The following RALGPS2 variants were observed in gnomAD, a reference collection of about 807,000 sequenced individuals.
The protein encoded by RALGPS2 is ras-specific guanine nucleotide-releasing factor RalGPS2.
RALGPS2 carries 43 observed loss-of-function variants against 86.8 expected under a neutral mutation model. The observed-to-expected ratio is 0.50, with a 90% CI of 0.39 to 0.64. RALGPS2 has a LOEUF of 0.64. Among genes scored for constraint, RALGPS2 ranks in the 30% least tolerant of loss-of-function variants. The pLI, the probability that RALGPS2 is intolerant of heterozygous loss-of-function variation, is 0.00. For synonymous variants in RALGPS2, 243 were observed against 231.3 expected (o/e 1.05, Z -0.46); for missense variants, 536 against 694.6 (o/e 0.77, Z 2.57).
At chr1:178,804,318 G>A (rs1654631114) in intron 4 of RALGPS2, among the ~76,000 whole-genome samples, 1 of 138,788 alleles carries the variant, frequency 7.2e-6, no homozygotes, top group South Asian at 2.3e-4. Context: ...GGGTACATGT[G>A]CACATTGTGC....
intron 4 of RALGPS2, among the ~76,000 whole-genome samples, chr1:178,788,689 G>A (rs1360510875): frequency 3.9e-5 from 6 of 152,150 alleles, no homozygotes; most frequent in Non-Finnish European, 7.4e-5. Flanking sequence ...GGGCTAGATG[G>A]TGTGGGGCCA....
In RALGPS2 at chr1:178,898,154, A is replaced by C. The variant is rs533711362; in HGVS notation, c.1524+398A>C. On this transcript the variant is annotated intron_variant, in intron 17 of 19. Transcript: ENST00000367635. ...AATGATCAATTACAACAGTTACTGC[A>C]ATCACTTTCTTGTGCTTCATATTAC... Among the ~76,000 whole-genome samples the C allele has an allele frequency of 1.3e-3, 192 of 152,176 alleles. 2 individuals carry two copies. The highest frequency in any genetic ancestry group is 4.2e-3 in the African/African-American group (176 of 41,554).
chr1:178,855,919 C>T (rs955511803), intron 8 of RALGPS2, among the ~76,000 whole-genome samples: 6 of 148,476 alleles, frequency 4.0e-5, no homozygotes, highest in Non-Finnish European at 7.4e-5. Flanking sequence ...TGTTAATACA[C>T]GAATTACATT....
chr1:178,736,077 T>C (rs1650684066), intron 1 of RALGPS2, among the ~76,000 whole-genome samples: 1 of 152,162 alleles, frequency 6.6e-6, no homozygotes, highest in African/African-American at 2.4e-5. Context: ...TGTTTCTCTA[T>C]GCCCTTAATC....
chr1:178,811,726 GA>G (rs1177986339), intron 6 of RALGPS2, among the ~76,000 whole-genome samples: 1 of 152,208 alleles, frequency 6.6e-6, no homozygotes, highest in Admixed American at 6.5e-5. Context: ...TGCAGGTGAT[GA>G]AGAAAGCCAT....
chr1:178,900,609 A>G (rs1660131625), intron 17 of RALGPS2, among the ~76,000 whole-genome samples: 1 of 152,022 alleles, frequency 6.6e-6, no homozygotes, highest in South Asian at 2.1e-4. Context: ...TTTCTATAAT[A>G]TTTATGACAA....
chr1:178,890,666 C>T (rs935541007), intron 14 of RALGPS2, among the ~76,000 whole-genome samples: 1 of 151,804 alleles, frequency 6.6e-6, no homozygotes, highest in African/African-American at 2.4e-5. Flanking sequence ...TTTTATGTGA[C>T]TTCATAAAGA....
intron 7 of RALGPS2, among the ~76,000 whole-genome samples, chr1:178,826,651 T>C (rs866728636): frequency 1.3e-5 from 2 of 152,178 alleles, no homozygotes; most frequent in African/African-American, 2.4e-5. Flanking sequence ...ATCCTTGAAA[T>C]GTCCCCCTGA....
intron 16 of RALGPS2, among the ~76,000 whole-genome samples, chr1:178,896,923 C>T (rs1238994188): frequency 1.3e-4 from 20 of 150,836 alleles, no homozygotes; most frequent in Non-Finnish European, 7.4e-5. Context: ...AATAAACATA[C>T]GTGTGCATGT....
At position 178,921,481 on chromosome 1, in the gene RALGPS2, T is replaced by G. The variant is rs1240072779; in HGVS notation, c.*5122T>G. On this transcript the variant is annotated 3_prime_UTR_variant, in exon 20 of 20. Coordinates refer to ENST00000367635, the MANE Select transcript of RALGPS2 (RefSeq NM_152663.5). ...GTACCTTGATTATTGACAAATTCAT[T>G]GTTTTACATCCTACTAAAGAACATG... The G allele has an allele frequency of 6.6e-6, 1 of 151,800 alleles. No individual in the cohort carries two copies. Among genetic ancestry groups the G allele is most frequent in the Non-Finnish European group, 1.5e-5 (1 of 67,836 alleles). The allele number at this position is 151,800 out of a possible 1,614,324, so 9.4% of individuals were successfully genotyped here. A position where few individuals can be genotyped will look rare whatever the true frequency, so the allele number is the denominator to read the frequency against.
intron 8 of RALGPS2, among the ~76,000 whole-genome samples, chr1:178,861,554 G>A (rs1393185792): frequency 6.6e-6 from 1 of 151,796 alleles, no homozygotes; most frequent in South Asian, 2.1e-4. Context: ...GTTTAAAAAT[G>A]TGAATAGTGA....
chr1:178,739,594 A>G (rs1021410524), intron 1 of RALGPS2, among the ~76,000 whole-genome samples: 2 of 152,236 alleles, frequency 1.3e-5, no homozygotes, highest in African/African-American at 4.8e-5. Flanking sequence ...CGGGAAATAC[A>G]GTACCTTTGA....
chr1:178,913,611 T>C (rs954341178), intron 19 of RALGPS2, among the ~76,000 whole-genome samples: 5 of 152,250 alleles, frequency 3.3e-5, no homozygotes, highest in Non-Finnish European at 7.3e-5. Flanking sequence ...AGGGCTGATA[T>C]TCCTTTATCC....
At chr1:178,883,407 A>G in intron 10 of RALGPS2, 59 bp from the exon 11 acceptor site, 1 of 1,319,744 alleles carries the variant, frequency 7.6e-7, no homozygotes, top group Non-Finnish European at 1.1e-6. Flanking sequence ...CACAACTTTA[A>G]TCTTATTTTG....
intron 1 of RALGPS2, among the ~76,000 whole-genome samples, chr1:178,734,152 C>T (rs575125388): frequency 6.6e-6 from 1 of 152,102 alleles, no homozygotes; most frequent in South Asian, 2.1e-4. Flanking sequence ...AAATCAAAAC[C>T]GCAGTGAGAT....
chr1:178,798,994 T>C (rs542814500), intron 4 of RALGPS2, among the ~76,000 whole-genome samples: 34 of 152,226 alleles, frequency 2.2e-4, no homozygotes, highest in Non-Finnish European at 3.7e-4. Context: ...CCAGACACCA[T>C]TGAGAAAATC....
chr1:178,764,560 G>A (rs1652403155), intron 1 of RALGPS2, among the ~76,000 whole-genome samples: 1 of 152,174 alleles, frequency 6.6e-6, no homozygotes, highest in South Asian at 2.1e-4. Context: ...AGGGTTACTA[G>A]CCTGTGTACT....
At chr1:178,862,356 C>A (rs1572419695) in intron 8 of RALGPS2, among the ~76,000 whole-genome samples, 1 of 152,016 alleles carries the variant, frequency 6.6e-6, no homozygotes, top group East Asian at 1.9e-4. Context: ...TCAACTAACA[C>A]ATATTTAGCA....
At chr1:178,852,836 C>G (rs1558150163) in intron 8 of RALGPS2, 5 of 1,613,908 alleles carry the variant, frequency 3.1e-6, no homozygotes, top group African/African-American at 1.3e-5. Flanking sequence ...TCTGCATAGA[C>G]TTTTTTATCA....
Sources: allele counts gnomAD v4.1 joint callset (sites outside exome capture counted in the v4.1 genomes callset), GRCh38; gene constraint gnomAD v4.1.1; transcripts MANE v1.5; gene names NCBI Gene and HGNC (gene_info 2026-07-23, HGNC 2026-07-21).